Variants in ZDHHC14 observed in about 807,000 individuals in gnomAD.
The protein encoded by ZDHHC14 is zDHHC palmitoyltransferase 14, also known as palmitoyltransferase ZDHHC14.
Under a neutral mutation model 47.7 loss-of-function variants are expected in ZDHHC14, and 16 were observed. The ratio of observed to expected loss-of-function variants is 0.34; its 90% CI spans 0.23 to 0.51. ZDHHC14 has a LOEUF of 0.51. ZDHHC14 is among the 20% of genes least tolerant of loss of function. ZDHHC14 has a pLI of 0.97. For synonymous variants in ZDHHC14, 293 were observed against 278.9 expected, an observed-to-expected ratio of 1.05 and a Z score of -0.50; for missense variants, 515 against 662.5, an observed-to-expected ratio of 0.78 and a Z score of 2.44.
intron 1 of ZDHHC14, among the ~76,000 whole-genome samples, chr6:157,429,043 C>A (rs1778283443): frequency 6.6e-6 from 1 of 152,116 alleles, no homozygotes; most frequent in African/African-American, 2.4e-5. Flanking sequence ...CTGGAACCTG[C>A]AAGTCTGAGT....
At chr6:157,444,875 G>A (rs911209949) in intron 1 of ZDHHC14, among the ~76,000 whole-genome samples, 7 of 152,068 alleles carry the variant, frequency 4.6e-5, no homozygotes, top group Non-Finnish European at 1.5e-5. Flanking sequence ...TACGGGAGGG[G>A]TCACTAGTCA....
intron 2 of ZDHHC14, among the ~76,000 whole-genome samples, chr6:157,590,351 A>T (rs909783368): frequency 3.9e-5 from 6 of 152,166 alleles, no homozygotes; most frequent in African/African-American, 1.4e-4. Flanking sequence ...TCTAGGAGGA[A>T]AAAATGGTTT....
At chr6:157,611,140 T>C (rs1214386810) in intron 3 of ZDHHC14, among the ~76,000 whole-genome samples, 1 of 152,142 alleles carries the variant, frequency 6.6e-6, no homozygotes, top group Non-Finnish European at 1.5e-5. Context: ...GCTGGGGCTA[T>C]AGGCACGCGC....
chr6:157,523,331 C>T (rs534122411), intron 1 of ZDHHC14, among the ~76,000 whole-genome samples: 203 of 152,188 alleles, frequency 1.3e-3, no homozygotes, highest in South Asian at 3.9e-3. Flanking sequence ...CTCAGTTCAT[C>T]GCCATCACCA....
rs559312501 is a variant in ZDHHC14 at position 157,453,701 on chromosome 6, T to C, written c.245+71435T>C. ...GCTAGGTGCTGGAGGTGCAGCATCT[T>C]TCCTTTGAAGACCAGATGGGTGACT... On this transcript the variant is annotated intron_variant, in intron 1 of 8. Transcript: ENST00000359775. Among the ~76,000 whole-genome samples the C allele has an allele frequency of 2.0e-5, 3 of 152,276 alleles. No homozygotes were observed. The East Asian group carries it at 5.8e-4, about 29-fold the overall frequency.
chr6:157,406,900 G>A (rs1033856431), intron 1 of ZDHHC14, among the ~76,000 whole-genome samples: 19 of 152,222 alleles, frequency 1.2e-4, no homozygotes, highest in African/African-American at 4.1e-4. Flanking sequence ...CTTTGTCTGC[G>A]GGTCAGAGAG....
intron 1 of ZDHHC14, among the ~76,000 whole-genome samples, chr6:157,533,112 G>T (rs1020392418): frequency 2.0e-5 from 3 of 152,076 alleles, no homozygotes; most frequent in African/African-American, 7.2e-5. Context: ...GATTGTCTCC[G>T]CTGTACTTTG....
intron 1 of ZDHHC14, among the ~76,000 whole-genome samples, chr6:157,525,050 A>C (rs960722670): frequency 2.0e-5 from 3 of 152,188 alleles, no homozygotes; most frequent in Admixed American, 1.3e-4. Flanking sequence ...CATCATCTCA[A>C]GACTGGGCCC....
intron 1 of ZDHHC14, among the ~76,000 whole-genome samples, chr6:157,525,367 T>C (rs772783142): frequency 1.3e-5 from 2 of 152,104 alleles, no homozygotes; most frequent in East Asian, 1.9e-4. Flanking sequence ...GGTCTTGCCA[T>C]GTTGCCCAGG....
intron 1 of ZDHHC14, among the ~76,000 whole-genome samples, chr6:157,522,163 C>T (rs773650706): frequency 7.9e-5 from 12 of 152,098 alleles, no homozygotes; most frequent in Non-Finnish European, 1.5e-4. Flanking sequence ...AATACCTACC[C>T]GTACAGTTGC....
intron 3 of ZDHHC14, among the ~76,000 whole-genome samples, chr6:157,599,540 C>A (rs1395707313): frequency 6.6e-6 from 1 of 152,190 alleles, no homozygotes; most frequent in Non-Finnish European, 1.5e-5. Context: ...GGATGGGGCC[C>A]TGCCTCCCAC....
At chr6:157,474,912 C>T (rs1257519640) in intron 1 of ZDHHC14, among the ~76,000 whole-genome samples, 1 of 152,006 alleles carries the variant, frequency 6.6e-6, no homozygotes, top group African/African-American at 2.4e-5. Context: ...TTGATGTAAC[C>T]CCATCTGTCT....
intron 2 of ZDHHC14, among the ~76,000 whole-genome samples, chr6:157,580,848 A>G (rs1783493229): frequency 6.6e-6 from 1 of 151,096 alleles, no homozygotes; most frequent in Non-Finnish European, 1.5e-5. Context: ...AGTCTATCTT[A>G]TTAATTTTTT....
chr6:157,430,558 G>A (rs1778318995), intron 1 of ZDHHC14, among the ~76,000 whole-genome samples: 1 of 152,098 alleles, frequency 6.6e-6, no homozygotes, highest in African/African-American at 2.4e-5. Context: ...TTCTCACACT[G>A]CCATCTCTCT....
At chr6:157,416,972 G>GC (rs1777988534) in intron 1 of ZDHHC14, among the ~76,000 whole-genome samples, 1 of 45,560 alleles carries the variant, frequency 2.2e-5, no homozygotes, top group Non-Finnish European at 3.5e-5. Flanking sequence ...TGCCTGGCTA[G>GC]TTTTTTTTTT....
intron 5 of ZDHHC14, among the ~76,000 whole-genome samples, chr6:157,643,921 T>C (rs919223259): frequency 6.6e-6 from 1 of 152,036 alleles, no homozygotes; most frequent in African/African-American, 2.4e-5. Context: ...TAAGTATTTC[T>C]AGGATTGCAG....
chr6:157,592,136 A>T (rs1783932131), intron 2 of ZDHHC14, among the ~76,000 whole-genome samples: 1 of 152,016 alleles, frequency 6.6e-6, no homozygotes, highest in Admixed American at 6.5e-5. Context: ...AACCCGGGTC[A>T]TTCTGATTTA....
chr6:157,638,635 G>A (rs1371957729), intron 5 of ZDHHC14, among the ~76,000 whole-genome samples: 3 of 152,236 alleles, frequency 2.0e-5, no homozygotes, highest in African/African-American at 4.8e-5. Context: ...TCACAAGGTC[G>A]AGAACCATCC....
chr6:157,551,203 C>T (rs1443448515), intron 2 of ZDHHC14, among the ~76,000 whole-genome samples: 1 of 152,238 alleles, frequency 6.6e-6, no homozygotes, highest in Non-Finnish European at 1.5e-5. Flanking sequence ...CTCACAACAG[C>T]TTTCCGTGTC....
Sources: allele counts gnomAD v4.1 joint callset (sites outside exome capture counted in the v4.1 genomes callset), GRCh38; gene constraint gnomAD v4.1.1; transcripts MANE v1.5; gene names NCBI Gene and HGNC (gene_info 2026-07-23, HGNC 2026-07-21).